Variants in EYA3 observed in about 807,000 individuals in gnomAD.
The protein encoded by EYA3 is protein phosphatase EYA3.
EYA3 carries 39 observed loss-of-function variants against 80.0 expected under a neutral mutation model. That is an observed-to-expected ratio of 0.49 (90% confidence interval 0.38 to 0.64). The LOEUF (loss-of-function observed/expected upper bound fraction) is 0.64. Ranked by LOEUF, EYA3 falls within the 30% of genes least tolerant of loss-of-function variation. EYA3 has a pLI of 0.00. For synonymous variants in EYA3, 206 were observed against 232.8 expected (o/e 0.88, Z 1.05); for missense variants, 523 against 676.1 (o/e 0.77, Z 2.51).
At chr1:28,077,381 T>C (rs1255273678) in intron 1 of EYA3, among the ~76,000 whole-genome samples, 2 of 152,260 alleles carry the variant, frequency 1.3e-5, no homozygotes, top group Middle Eastern at 3.4e-3. Flanking sequence ...GCTGGGATTA[T>C]AGGCATGAGC....
chr1:28,074,315 A>G (rs1645129488), intron 1 of EYA3, among the ~76,000 whole-genome samples: 1 of 152,190 alleles, frequency 6.6e-6, no homozygotes, highest in Admixed American at 6.5e-5. Flanking sequence ...AGAAGCAATT[A>G]TACCTAAAAT....
intron 14 of EYA3, 40 bp from the exon 15 acceptor site, chr1:27,989,851 A>G: frequency 7.4e-7 from 1 of 1,356,734 alleles, no homozygotes; most frequent in Non-Finnish European, 1.0e-6. Flanking sequence ...ATTTGACAAC[A>G]TATATTTGCT....
chr1:27,980,156 T>G (rs1431170995), intron 16 of EYA3, among the ~76,000 whole-genome samples: 1 of 152,234 alleles, frequency 6.6e-6, no homozygotes, highest in Non-Finnish European at 1.5e-5. Context: ...TAAATTCATA[T>G]TAATCTCACA....
intron 1 of EYA3, among the ~76,000 whole-genome samples, chr1:28,066,297 G>A (rs1478642984): frequency 1.3e-5 from 2 of 151,896 alleles, no homozygotes; most frequent in Non-Finnish European, 2.9e-5. Flanking sequence ...AACTAAAACC[G>A]CCAAAAGCAA....
intron 16 of EYA3, among the ~76,000 whole-genome samples, chr1:27,978,766 C>A (rs1367265822): frequency 3.9e-5 from 6 of 152,184 alleles, no homozygotes; most frequent in Non-Finnish European, 4.4e-5. Flanking sequence ...GAATTTGAGA[C>A]CAGCCTGACC....
intron 16 of EYA3, among the ~76,000 whole-genome samples, chr1:27,985,686 A>G (rs1639607821): frequency 6.6e-6 from 1 of 152,082 alleles, no homozygotes. Flanking sequence ...GGTTCAAGCG[A>G]TGCTCCTGCC....
At chr1:28,038,717 G>C in intron 5 of EYA3, 122 bp downstream of exon 5, 1 of 527,624 alleles carries the variant, frequency 1.9e-6, no homozygotes, top group Non-Finnish European at 3.2e-6. Flanking sequence ...TTGGAATGAC[G>C]ATAGAATAAG....
rs1638825359 is a variant in EYA3, at chr1:27,974,117, T to G, written c.*349A>C. ...AAACACAGAAAAATTAAAAGCACTG[T>G]AGCTGCAGTGAGTCCATTGTTCTCT... On this transcript the variant is annotated 3_prime_UTR_variant, in exon 18 of 18. Coordinates refer to ENST00000373871, the MANE Select transcript of EYA3 (RefSeq NM_001990.4). The G allele has an allele frequency of 1.2e-5, 2 of 162,300 alleles. No homozygotes were observed. Among genetic ancestry groups the G allele is most frequent in the African/African-American group, 4.8e-5 (2 of 41,892 alleles). The allele number at this position is 162,300 out of a possible 1,614,324, so 10.1% of individuals were successfully genotyped here. A position where few individuals can be genotyped will look rare whatever the true frequency, so the allele number is the denominator to read the frequency against.
intron 1 of EYA3, among the ~76,000 whole-genome samples, chr1:28,072,662 A>G (rs1645056810): frequency 6.6e-6 from 1 of 152,224 alleles, no homozygotes; most frequent in Admixed American, 6.5e-5. Context: ...CATGGAAAAC[A>G]GTTTGGCAGT....
chr1:28,047,632 CTT>C (rs1644065607), intron 3 of EYA3, among the ~76,000 whole-genome samples: 1 of 144,912 alleles, frequency 6.9e-6, no homozygotes, highest in Non-Finnish European at 1.5e-5. Context: ...CAAGCTGCCT[CTT>C]TTCTCTTTTT....
At chr1:28,069,610 A>G in intron 1 of EYA3, among the ~76,000 whole-genome samples, 3 of 145,540 alleles carry the variant, frequency 2.1e-5, no homozygotes, top group African/African-American at 5.0e-5. Flanking sequence ...GGGAAAGGAG[A>G]AAGGGAGGGA....
intron 1 of EYA3, among the ~76,000 whole-genome samples, chr1:28,068,875 TG>T (rs1644924847): frequency 6.6e-6 from 1 of 152,124 alleles, no homozygotes. Flanking sequence ...GGCACAATCC[TG>T]GGTCACTGCA....
intron 16 of EYA3, among the ~76,000 whole-genome samples, chr1:27,983,250 G>C (rs1226341814): frequency 6.6e-6 from 1 of 152,176 alleles, no homozygotes; most frequent in Non-Finnish European, 1.5e-5. Flanking sequence ...CAGAGGGTAG[G>C]ATTTAGCCCA....
chr1:28,035,039 A>T (rs912224359), intron 6 of EYA3, among the ~76,000 whole-genome samples: 1 of 152,176 alleles, frequency 6.6e-6, no homozygotes, highest in Non-Finnish European at 1.5e-5. Context: ...TAAGGTTATA[A>T]GAAAATTGGG....
intron 3 of EYA3, 84 bp from the exon 4 acceptor site, chr1:28,042,734 T>C: frequency 9.6e-7 from 1 of 1,046,702 alleles, no homozygotes; most frequent in Non-Finnish European, 1.5e-6. Flanking sequence ...CATTTCCTCC[T>C]AGGCTATATA....
chr1:27,984,052 A>G (rs965830133), intron 16 of EYA3, among the ~76,000 whole-genome samples: 3 of 152,060 alleles, frequency 2.0e-5, no homozygotes, highest in African/African-American at 7.2e-5. Context: ...TTCAAGAGAC[A>G]AGGTCTCCTT....
chr1:28,043,341 A>AC (rs975128677), intron 3 of EYA3, among the ~76,000 whole-genome samples: 12 of 143,038 alleles, frequency 8.4e-5, no homozygotes, highest in African/African-American at 1.3e-4. Context: ...AAAAAAAAAA[A>AC]AAAAACGTGA....
chr1:28,061,342 A>G (rs751563590), intron 1 of EYA3, among the ~76,000 whole-genome samples: 1 of 152,214 alleles, frequency 6.6e-6, no homozygotes, highest in Non-Finnish European at 1.5e-5. Context: ...ATCAGAACAT[A>G]CTAAATATAA....
intron 1 of EYA3, among the ~76,000 whole-genome samples, chr1:28,059,703 C>T (rs1442716788): frequency 4.0e-5 from 6 of 149,538 alleles, no homozygotes; most frequent in Non-Finnish European, 5.9e-5. Context: ...CCTTCAATAC[C>T]TCATTTGTTG....
Sources: gnomAD v4.1 joint callset for allele counts (sites outside exome capture counted in the v4.1 genomes callset) on GRCh38, gnomAD v4.1.1 for gene constraint, MANE v1.5 for transcripts, NCBI Gene and HGNC (gene_info 2026-07-23, HGNC 2026-07-21) for gene names.